Variants in KLF9 observed in about 807,000 individuals in gnomAD.
KLF9 encodes the protein KLF transcription factor 9, also known as Krueppel-like factor 9.
A neutral mutation model predicts 17.3 loss-of-function variants in KLF9; 2 were observed. The observed-to-expected ratio is 0.12, with a 90% CI of 0.05 to 0.36. The LOEUF (loss-of-function observed/expected upper bound fraction) is 0.36, where lower values mean the gene tolerates loss of function less well. Among genes scored for constraint, KLF9 ranks in the 10% least tolerant of loss-of-function variants. The probability of loss-of-function intolerance (pLI) is 1.00; values close to 1 mark genes in which losing one functional copy is unlikely to be tolerated. For synonymous variants in KLF9, 138 were observed against 139.2 expected, an observed-to-expected ratio of 0.99 and a Z score of 0.06; for missense variants, 226 against 333.2, an observed-to-expected ratio of 0.68 and a Z score of 2.51.
Position 70,386,823 on chromosome 9 carries a change from T to C in KLF9, c.*953A>G, listed in dbSNP as rs1339985212. On this transcript the variant is annotated 3_prime_UTR_variant, in exon 2 of 2. Coordinates refer to ENST00000377126, the MANE Select transcript of KLF9 (RefSeq NM_001206.4). The stretch of plus-strand genomic sequence containing the variant: ...ACACTACCCTCCTTCTCCTTCAGCA[T>C]CTGTTGTGTATATTCTGCCCTCACA... The C allele has an allele frequency of 6.6e-6, 1 of 152,506 alleles. No individual in the cohort carries two copies. 9.4% of individuals were successfully genotyped at this position (152,506 alleles called of 1,614,324 possible). A position where few individuals can be genotyped will look rare whatever the true frequency, so the allele number is the denominator to read the frequency against.
At position 70,414,627 on chromosome 9, in the gene KLF9, A is replaced by T. The variant is rs2037370419; in HGVS notation, c.-1264T>A. On this transcript the variant is annotated 5_prime_UTR_variant, in exon 1 of 2. Coordinates refer to ENST00000377126, the MANE Select transcript of KLF9 (RefSeq NM_001206.4). ...ATTAAAAAAACCCCATTATGTCAGG[A>T]TAAGTCCAAGAATAAACACAAATGA... 6.6e-6 allele frequency: 1 copy of T among 152,224 alleles called. No homozygotes were observed. The highest frequency in any genetic ancestry group is 2.4e-5 in the African/African-American group (1 of 41,462). 9.4% of individuals were successfully genotyped at this position (152,224 alleles called of 1,614,324 possible). A position where few individuals can be genotyped will look rare whatever the true frequency, so the allele number is the denominator to read the frequency against.
intron 1 of KLF9, among the ~76,000 whole-genome samples, chr9:70,396,843 G>A (rs967270384): frequency 4.6e-5 from 7 of 152,010 alleles, no homozygotes; most frequent in Admixed American, 1.3e-4. Context: ...AGAAAACAGC[G>A]ATACATCTGA....
At chr9:70,409,122 GTATATATGTATACATATATATGTATA>G (rs2037287111) in intron 1 of KLF9, among the ~76,000 whole-genome samples, 1 of 77,012 alleles carries the variant, frequency 1.3e-5, no homozygotes, top group Non-Finnish European at 2.9e-5. Flanking sequence ...ATACATATAT[GTATATATGTATACATATATATGTATA>G]TGTATATATA....
intron 1 of KLF9, among the ~76,000 whole-genome samples, chr9:70,412,202 AAAAAAAAAAAAAGTC>A (rs1392171938): frequency 6.6e-6 from 1 of 150,528 alleles, no homozygotes; most frequent in African/African-American, 2.4e-5. Context: ...AAAAAAAAAA[AAAAAAAAAAAAAGTC>A]AGCTCTGAAA....
At chr9:70,408,972 C>T (rs1277075390) in intron 1 of KLF9, among the ~76,000 whole-genome samples, 1 of 133,142 alleles carries the variant, frequency 7.5e-6, no homozygotes, top group African/African-American at 2.8e-5. Flanking sequence ...TTTATGTGAG[C>T]CTCCTTTTGC....
At chr9:70,405,786 A>T (rs2037251501) in intron 1 of KLF9, among the ~76,000 whole-genome samples, 1 of 152,140 alleles carries the variant, frequency 6.6e-6, no homozygotes, top group Non-Finnish European at 1.5e-5. Flanking sequence ...TCACTCCCTC[A>T]GGGGGGATCA....
At position 70,386,483 on chromosome 9, in the gene KLF9, G is replaced by A. The variant is rs1337506948; in HGVS notation, c.*1293C>T. ...TGAAATCATTGTGGTATTTTCCCTT[G>A]GTGTTCACTAGTTATAGGGGTTGAT... On this transcript the variant is annotated 3_prime_UTR_variant, in exon 2 of 2. Coordinates refer to ENST00000377126, the MANE Select transcript of KLF9 (RefSeq NM_001206.4). 6.6e-6 allele frequency: 1 copy of A among 152,560 alleles called. No individual in the cohort carries two copies. The highest frequency in any genetic ancestry group is 1.5e-5 in the Non-Finnish European group (1 of 68,030). The allele number at this position is 152,560 out of a possible 1,614,324, so 9.5% of individuals were successfully genotyped here.
chr9:70,400,006 A>T (rs2037210814), intron 1 of KLF9, among the ~76,000 whole-genome samples: 1 of 152,252 alleles, frequency 6.6e-6, no homozygotes, highest in Non-Finnish European at 1.5e-5. Flanking sequence ...AGAGACACAG[A>T]GGTCTCTAAG....
intron 1 of KLF9, among the ~76,000 whole-genome samples, chr9:70,408,930 C>T (rs1199765286): frequency 4.0e-5 from 6 of 148,474 alleles, no homozygotes; most frequent in African/African-American, 9.9e-5. Flanking sequence ...GCCGCCACTC[C>T]GGGCTTTTGT....
chr9:70,397,597 G>T (rs1027760879), intron 1 of KLF9, among the ~76,000 whole-genome samples: 3 of 152,112 alleles, frequency 2.0e-5, no homozygotes, highest in Non-Finnish European at 4.4e-5. Flanking sequence ...CCTCTTATAA[G>T]AACAGACAGG....
intron 1 of KLF9, among the ~76,000 whole-genome samples, chr9:70,394,074 A>C (rs1029135049): frequency 1.3e-5 from 2 of 150,480 alleles, no homozygotes; most frequent in Non-Finnish European, 2.9e-5. Flanking sequence ...AAACAGCACT[A>C]GGATTCCATA....
At chr9:70,406,582 A>C (rs1311577152) in intron 1 of KLF9, among the ~76,000 whole-genome samples, 2 of 152,204 alleles carry the variant, frequency 1.3e-5, no homozygotes, top group Non-Finnish European at 2.9e-5. Context: ...GCGGAGAAAG[A>C]GAGCCAGGAT....
intron 1 of KLF9, among the ~76,000 whole-genome samples, chr9:70,397,461 T>C (rs970216683): frequency 2.0e-5 from 3 of 150,558 alleles, no homozygotes; most frequent in East Asian, 2.0e-4. Flanking sequence ...GGTGACAGAG[T>C]GAGACTCTGA....
intron 1 of KLF9, among the ~76,000 whole-genome samples, chr9:70,409,051 C>CATAT (rs1267963314): frequency 3.8e-5 from 4 of 104,312 alleles, no homozygotes; most frequent in African/African-American, 1.4e-4. Context: ...TATATATATA[C>CATAT]ATATATGTGT....
chr9:70,399,700 GC>G (rs2037209085), intron 1 of KLF9, among the ~76,000 whole-genome samples: 1 of 152,174 alleles, frequency 6.6e-6, no homozygotes, highest in African/African-American at 2.4e-5. Flanking sequence ...TCAGTTTTAT[GC>G]ACAAAATGAG....
At chr9:70,412,089 G>T (rs1313942233) in intron 1 of KLF9, among the ~76,000 whole-genome samples, 1 of 137,278 alleles carries the variant, frequency 7.3e-6, no homozygotes, top group Non-Finnish European at 1.5e-5. Context: ...CTCCAGAACC[G>T]CCCAACATTC....
At chr9:70,410,901 A>C (rs906817641) in intron 1 of KLF9, among the ~76,000 whole-genome samples, 2 of 152,126 alleles carry the variant, frequency 1.3e-5, no homozygotes, top group Non-Finnish European at 2.9e-5. Flanking sequence ...TCAACCATGC[A>C]CTAAGATTAG....
chr9:70,413,090 C>G lies in KLF9; in HGVS notation c.274G>C (p.Asp92His). 6.2e-7 allele frequency: 1 copy of G among 1,614,190 alleles called. No homozygotes were observed. The highest frequency in any genetic ancestry group is 1.7e-5 in the Admixed American group (1 of 60,034). The change falls in exon 1 of 2, where the codon GAT becomes CAT. Residue 92 changes from aspartate (D) to histidine (H), a missense_variant. Coordinates refer to ENST00000377126, the MANE Select transcript of KLF9 (RefSeq NM_001206.4). This position sits in a 1 kb window ranked among gnomAD's most constrained non-coding sequence, Gnocchi z 5.6. ...CSDSLESPDE[D>H]MGSDSDVTTE... is the part of the protein sequence containing the mutation. ...GTCACGTCGCTGTCGGATCCCATAT[C>G]CTCATCTGGACTTTCCAGACTGTCG...
intron 1 of KLF9, among the ~76,000 whole-genome samples, chr9:70,407,684 G>T (rs1411276853): frequency 6.6e-6 from 1 of 152,206 alleles, no homozygotes; most frequent in Admixed American, 6.5e-5. Flanking sequence ...GAGCTATAGG[G>T]TCCTAACAGC....
Sources: gnomAD v4.1 joint callset for allele counts (sites outside exome capture counted in the v4.1 genomes callset) on GRCh38, gnomAD v4.1.1 for gene constraint, Gnocchi (gnomAD v3.1) non-coding constraint, MANE v1.5 for transcripts, NCBI Gene and HGNC (gene_info 2026-07-23, HGNC 2026-07-21) for gene names.